Variants in HS6ST2 observed in about 807,000 individuals in gnomAD.
HS6ST2 encodes heparan-sulfate 6-O-sulfotransferase 2.
HS6ST2 carries 17 observed loss-of-function variants against 33.0 expected under a neutral mutation model. The ratio of observed to expected loss-of-function variants is 0.52; its 90% CI spans 0.35 to 0.77. HS6ST2 has a LOEUF of 0.77. HS6ST2 is among the 30% of genes least tolerant of loss of function. The probability of loss-of-function intolerance (pLI) is 0.01; values close to 1 mark genes in which losing one functional copy is unlikely to be tolerated. For missense variants in HS6ST2, 519 were observed against 551.7 expected, an observed-to-expected ratio of 0.94 and a Z score of 0.59; for synonymous variants, 248 against 237.1, an observed-to-expected ratio of 1.05 and a Z score of -0.42.
chrX:132,765,026 A>T (rs907050205), intron 2 of HS6ST2, among the ~76,000 whole-genome samples: 6 of 112,110 alleles, frequency 5.4e-5, no homozygotes, highest in African/African-American at 1.9e-4. Flanking sequence ...ACTTCAGGTG[A>T]ATATAGCAAG....
At chrX:132,679,012 T>A (rs1180216348) in intron 3 of HS6ST2, among the ~76,000 whole-genome samples, 1 of 111,785 alleles carries the variant, frequency 8.9e-6, no homozygotes, top group Admixed American at 9.5e-5. Flanking sequence ...GTTAGAGGAA[T>A]CCTTAGAAAT....
chrX:132,637,933 A>ATATAATATTTTATATATAATATATT, intron 4 of HS6ST2, among the ~76,000 whole-genome samples: 1 of 72,427 alleles, frequency 1.4e-5, no homozygotes, highest in Non-Finnish European at 2.5e-5. Flanking sequence ...TATATATTAT[A>ATATAATATTTTATATATAATATATT]TATAATATTT....
intron 2 of HS6ST2, among the ~76,000 whole-genome samples, chrX:132,720,734 T>C (rs1395152628): frequency 1.9e-5 from 2 of 107,957 alleles, no homozygotes; most frequent in Non-Finnish European, 3.8e-5. Flanking sequence ...GAAAAAGATA[T>C]TCCATGCCAA....
chrX:132,954,270 C>A (rs1289721899), intron 2 of HS6ST2, among the ~76,000 whole-genome samples: 1 of 111,960 alleles, frequency 8.9e-6, no homozygotes, highest in East Asian at 2.8e-4. Flanking sequence ...AAAGGTGGAA[C>A]TGTTGTTCCC....
At chrX:132,933,115 C>T (rs1436435274) in intron 2 of HS6ST2, among the ~76,000 whole-genome samples, 1 of 109,191 alleles carries the variant, frequency 9.2e-6, no homozygotes, top group Admixed American at 9.9e-5. Flanking sequence ...TCACTTGAGG[C>T]CAGGAGTATG....
rs369040064 is a variant in HS6ST2 at position 132,957,068 on chromosome X, G to A, written c.687C>T (p.Ile229=). The A allele has an allele frequency of 7.4e-5, 89 of 1,210,505 alleles. No homozygotes were observed. The African/African-American group carries it at 1.4e-3, about 19-fold the overall frequency. The part of the protein sequence containing the change: ...VDFDIKGDDL[I]VFLHIQKTGG... Reference sequence around the variant, plus strand: ...CGGTCTTCTGGATGTGCAGGAACACGATCAGGTCATCGCCCTTGATGTCGA... The same window carrying A: ...CGGTCTTCTGGATGTGCAGGAACACAATCAGGTCATCGCCCTTGATGTCGA... Residue 229 remains isoleucine, a synonymous_variant, in exon 2 of 5, where the codon ATC becomes ATT. Transcript: ENST00000370833.
chrX:132,812,632 A>G (rs924928421), intron 2 of HS6ST2, among the ~76,000 whole-genome samples: 2 of 107,221 alleles, frequency 1.9e-5, no homozygotes, highest in East Asian at 5.8e-4. Flanking sequence ...TAAATAAAGT[A>G]GGTTTTTGTG....
chrX:132,955,859 G>C (rs187266562), intron 2 of HS6ST2, among the ~76,000 whole-genome samples: 45 of 112,740 alleles, frequency 4.0e-4, no homozygotes, highest in African/African-American at 1.4e-3. Flanking sequence ...TAATAAATCA[G>C]CTTTTACCGC....
At chrX:132,767,189 C>A (rs769553260) in intron 2 of HS6ST2, among the ~76,000 whole-genome samples, 2 of 112,407 alleles carry the variant, frequency 1.8e-5, no homozygotes, top group Non-Finnish European at 3.8e-5. Flanking sequence ...CAAGGGGCAA[C>A]GCCACCGCTG....
At chrX:132,911,497 A>T (rs1026766001) in intron 2 of HS6ST2, among the ~76,000 whole-genome samples, 2 of 112,045 alleles carry the variant, frequency 1.8e-5, no homozygotes, top group Non-Finnish European at 3.8e-5. Flanking sequence ...CCCAGGGACA[A>T]ATCAACCTCA....
At chrX:132,697,221 G>A (rs1374208779) in intron 3 of HS6ST2, among the ~76,000 whole-genome samples, 1 of 111,816 alleles carries the variant, frequency 8.9e-6, no homozygotes, top group African/African-American at 3.2e-5. Context: ...TTTCCAGTTT[G>A]TTGTCTGTTT....
At chrX:132,729,821 A>G (rs1248629720) in intron 2 of HS6ST2, among the ~76,000 whole-genome samples, 4 of 78,384 alleles carry the variant, frequency 5.1e-5, no homozygotes, top group Non-Finnish European at 1.1e-4. Context: ...CACATGAACC[A>G]AAGCTCTTTG....
chrX:132,812,134 C>T (rs940888038), intron 2 of HS6ST2, among the ~76,000 whole-genome samples: 13 of 109,381 alleles, frequency 1.2e-4, no homozygotes, highest in Non-Finnish European at 2.5e-4. Context: ...TGGCCGGGCG[C>T]GGTGGTTCAC....
intron 2 of HS6ST2, among the ~76,000 whole-genome samples, chrX:132,743,805 T>C (rs2064607327): frequency 8.9e-6 from 1 of 111,930 alleles, no homozygotes; most frequent in African/African-American, 3.3e-5. Context: ...TCTCACTCTG[T>C]TGCCCAGGCT....
At chrX:132,737,983 G>A (rs2064525273) in intron 2 of HS6ST2, among the ~76,000 whole-genome samples, 1 of 112,524 alleles carries the variant, frequency 8.9e-6, no homozygotes, top group Non-Finnish European at 1.9e-5. Flanking sequence ...CAAACCCACT[G>A]AGCTGTTTCT....
At chrX:132,839,272 G>GTATATATATATATA (rs748319681) in intron 2 of HS6ST2, among the ~76,000 whole-genome samples, 2 of 62,795 alleles carry the variant, frequency 3.2e-5, no homozygotes, top group African/African-American at 5.7e-5. Context: ...TGTAGTGTGT[G>GTATATATATATATA]TATATATATA....
chrX:132,755,131 CA>C (rs1398700981), intron 2 of HS6ST2, among the ~76,000 whole-genome samples: 1 of 112,421 alleles, frequency 8.9e-6, no homozygotes, highest in Non-Finnish European at 1.9e-5. Context: ...TTACCCTGCA[CA>C]AAAGATGTGT....
intron 2 of HS6ST2, among the ~76,000 whole-genome samples, chrX:132,839,148 G>T (rs1389313904): frequency 1.9e-5 from 2 of 104,515 alleles, no homozygotes; most frequent in Non-Finnish European, 3.9e-5. Context: ...CAAAGGAAAA[G>T]AAATCATTAT....
intron 2 of HS6ST2, among the ~76,000 whole-genome samples, chrX:132,887,550 G>A (rs2066265008): frequency 8.9e-6 from 1 of 112,188 alleles, no homozygotes; most frequent in African/African-American, 3.2e-5. Flanking sequence ...TATTGCTATT[G>A]AGAAGGTATA....
Sources: allele counts gnomAD v4.1 joint callset (sites outside exome capture counted in the v4.1 genomes callset), GRCh38; gene constraint gnomAD v4.1.1; transcripts MANE v1.5; gene names NCBI Gene and HGNC (gene_info 2026-07-23, HGNC 2026-07-21).